Variants in FOXK2 observed in about 807,000 individuals in gnomAD.
The protein encoded by FOXK2 is forkhead box K2, also known as forkhead box protein K2.
Under a neutral mutation model 53.3 loss-of-function variants are expected in FOXK2, and 24 were observed. The ratio of observed to expected loss-of-function variants is 0.45; its 90% CI spans 0.33 to 0.63. FOXK2 has a LOEUF of 0.63. Among genes scored for constraint, FOXK2 ranks in the 30% least tolerant of loss-of-function variants. The probability of loss-of-function intolerance (pLI) is 0.03; values close to 1 mark genes in which losing one functional copy is unlikely to be tolerated. For synonymous variants in FOXK2, 505 were observed against 407.1 expected (o/e 1.24, Z -2.89); for missense variants, 952 against 910.5 (o/e 1.05, Z -0.59).
intron 8 of FOXK2, among the ~76,000 whole-genome samples, chr17:82,591,015 C>T (rs980612710): frequency 2.6e-5 from 4 of 152,180 alleles, no homozygotes; most frequent in Non-Finnish European, 4.4e-5. Context: ...TGCTGTGGGA[C>T]CCGGGGCTCA....
At chr17:82,526,686 T>C (rs1277702380) in intron 1 of FOXK2, among the ~76,000 whole-genome samples, 2 of 151,946 alleles carry the variant, frequency 1.3e-5, no homozygotes, top group African/African-American at 2.4e-5. Flanking sequence ...AAAAATTAGC[T>C]GGGCATGGTG....
At chr17:82,567,893 T>C (rs1424990358) in intron 2 of FOXK2, among the ~76,000 whole-genome samples, 161 bp from the exon 3 acceptor site, 1 of 151,750 alleles carries the variant, frequency 6.6e-6, no homozygotes, top group Non-Finnish European at 1.5e-5. Flanking sequence ...TATAAGAATC[T>C]GTGTTTCCAT....
chr17:82,535,689 T>C (rs1037032325), intron 1 of FOXK2, among the ~76,000 whole-genome samples: 1 of 152,144 alleles, frequency 6.6e-6, no homozygotes, highest in Non-Finnish European at 1.5e-5. Context: ...TCTCTGTCGA[T>C]AGTCCTGTTT....
intron 1 of FOXK2, among the ~76,000 whole-genome samples, chr17:82,523,049 T>C (rs2044381458): frequency 6.6e-6 from 1 of 152,206 alleles, no homozygotes; most frequent in South Asian, 2.1e-4. Flanking sequence ...CGCCTTGGCC[T>C]CCCAAAGTGC....
chr17:82,556,688 CTT>C (rs951544456), intron 1 of FOXK2, among the ~76,000 whole-genome samples: 1 of 151,482 alleles, frequency 6.6e-6, no homozygotes, highest in East Asian at 1.9e-4. Flanking sequence ...CTTCCTGCCT[CTT>C]TTTTTTATTT....
intron 1 of FOXK2, among the ~76,000 whole-genome samples, chr17:82,528,889 C>T (rs139706623): frequency 8.6e-4 from 131 of 152,316 alleles, no homozygotes; most frequent in Middle Eastern, 6.8e-3. Context: ...CATTGGAGTA[C>T]GACACCGGGG....
At chr17:82,600,018 T>C (rs969027175) in intron 8 of FOXK2, 4 of 152,836 alleles carry the variant, frequency 2.6e-5, no homozygotes, top group Admixed American at 6.5e-5. Flanking sequence ...CCCAGGGGTG[T>C]GTTCCTGCTC....
chr17:82,520,174 C>G lies in FOXK2; in HGVS notation c.286C>G (p.Pro96Ala). ...CGGCGGCGGCCATGGCGGGGCCGCT[C>G]CGGAGCTGCCGCCCGCGCAGCCCAG... ...PGGGGHGGAA[P>A]ELPPAQPRPD... Residue 96 changes from proline to alanine, a missense_variant, in exon 1 of 9, where the codon CCG (proline) becomes GCG (alanine). Pro to Ala is a conservative substitution (Grantham distance 27, BLOSUM62 -1). Transcript: ENST00000335255. 6.8e-7 allele frequency: 1 copy of G among 1,467,764 alleles called. No homozygotes were observed. The highest frequency in any genetic ancestry group is 9.0e-7 in the Non-Finnish European group (1 of 1,108,750). The allele number at this position is 1,467,764 out of a possible 1,614,324, so 90.9% of individuals were successfully genotyped here. A position where few individuals can be genotyped will look rare whatever the true frequency, so the allele number is the denominator to read the frequency against.
At chr17:82,577,164 A>AAAAAAG in intron 4 of FOXK2, 1 of 918,226 alleles carries the variant, frequency 1.1e-6, no homozygotes, top group Non-Finnish European at 1.7e-6. Flanking sequence ...CTCCGTCTCA[A>AAAAAAG]AAAAAGAAAA....
rs147592847 is a variant in FOXK2 at position 82,521,271 on chromosome 17, C to A, written c.419+964C>A. Among the ~76,000 whole-genome samples, 541 of 152,268 alleles carry A rather than the reference C, an allele frequency of 3.6e-3. 4 individuals are homozygous for A. Among genetic ancestry groups the A allele is most frequent in the African/African-American group, 0.013 (520 of 41,570 alleles). On this transcript the variant is annotated intron_variant, in intron 1 of 8. Transcript: ENST00000335255. ...CACTGCAATCTCCGCCCTTTGAGTT[C>A]AAGTGGTTCTCCTGCCCCAGCCTCC...
At chr17:82,541,687 T>C (rs897727290) in intron 1 of FOXK2, among the ~76,000 whole-genome samples, 2 of 151,936 alleles carry the variant, frequency 1.3e-5, no homozygotes, top group South Asian at 4.1e-4. Flanking sequence ...TGAACTGCAT[T>C]GTACCTGTTT....
chr17:82,574,688 T>C (rs2044963026), intron 4 of FOXK2, among the ~76,000 whole-genome samples: 1 of 152,202 alleles, frequency 6.6e-6, no homozygotes, highest in Non-Finnish European at 1.5e-5. Context: ...CCTCACGGGC[T>C]CTTCCTGTGC....
At chr17:82,537,164 G>A (rs1276579575) in intron 1 of FOXK2, among the ~76,000 whole-genome samples, 4 of 152,192 alleles carry the variant, frequency 2.6e-5, no homozygotes. Flanking sequence ...TGAGTGGGAT[G>A]CTGGGCTGGA....
chr17:82,597,718 T>C (rs2045330968), intron 8 of FOXK2, among the ~76,000 whole-genome samples: 1 of 152,180 alleles, frequency 6.6e-6, no homozygotes, highest in African/African-American at 2.4e-5. Context: ...TGGCATGACC[T>C]TGGCTTACTG....
chr17:82,565,830 G>A (rs1378761814), intron 2 of FOXK2, among the ~76,000 whole-genome samples: 1 of 152,212 alleles, frequency 6.6e-6, no homozygotes, highest in Non-Finnish European at 1.5e-5. Context: ...TGAAGGCAGG[G>A]TCTTGAAGAA....
chr17:82,587,106 C>A lies in FOXK2; in HGVS notation c.1620C>A (p.Gly540=). ...CCGCCATTGGCCACGCCACGCTCGG[C>A]ACTGCCAGCCGGATCATTCAGACGG... ...PIPAIGHATL[G]TASRIIQTAQ... Residue 540 remains glycine, a synonymous_variant, in exon 8 of 9, where the codon GGC becomes GGA. Transcript: ENST00000335255. 6.2e-7 allele frequency: 1 copy of A among 1,613,058 alleles called. No individual in the cohort carries two copies. The highest frequency in any genetic ancestry group is 8.5e-7 in the Non-Finnish European group (1 of 1,180,020).
intron 8 of FOXK2, among the ~76,000 whole-genome samples, chr17:82,591,256 A>T (rs569549783): frequency 1.3e-5 from 2 of 152,148 alleles, no homozygotes; most frequent in South Asian, 2.1e-4. Flanking sequence ...GTGTACCCTC[A>T]TTCCTGCTTC....
At chr17:82,573,916 G>T (rs1044768330) in intron 4 of FOXK2, among the ~76,000 whole-genome samples, 2 of 152,166 alleles carry the variant, frequency 1.3e-5, no homozygotes, top group African/African-American at 2.4e-5. Flanking sequence ...TAAAGGCCTG[G>T]CCTCAGTTTT....
intron 1 of FOXK2, among the ~76,000 whole-genome samples, chr17:82,558,563 AG>A (rs1162435823): frequency 1.3e-5 from 2 of 152,214 alleles, no homozygotes; most frequent in Non-Finnish European, 2.9e-5. Context: ...CTGCCCCCAC[AG>A]GGGAGGAAGA....
Sources: gnomAD v4.1 joint callset for allele counts (sites outside exome capture counted in the v4.1 genomes callset) on GRCh38, gnomAD v4.1.1 for gene constraint, MANE v1.5 for transcripts, NCBI Gene and HGNC (gene_info 2026-07-23, HGNC 2026-07-21) for gene names.